PPM1H: variants seen among roughly 807,000 people sequenced by gnomAD.
PPM1H encodes protein phosphatase, Mg2+/Mn2+ dependent 1H.
A neutral mutation model predicts 54.9 loss-of-function variants in PPM1H; 27 were observed. The observed-to-expected ratio is 0.49, with a 90% CI of 0.36 to 0.68. The LOEUF (loss-of-function observed/expected upper bound fraction) is 0.68, where lower values mean the gene tolerates loss of function less well. Ranked by LOEUF, PPM1H falls within the 30% of genes least tolerant of loss-of-function variation. PPM1H has a pLI of 0.00. For synonymous variants in PPM1H, 305 were observed against 270.8 expected, an observed-to-expected ratio of 1.13 and a Z score of -1.24; for missense variants, 596 against 667.8, an observed-to-expected ratio of 0.89 and a Z score of 1.19.
At chr12:62,812,413 T>C (rs2076841349) in intron 2 of PPM1H, among the ~76,000 whole-genome samples, 3 of 152,172 alleles carry the variant, frequency 2.0e-5, no homozygotes, top group Admixed American at 2.0e-4. Context: ...TGTACTCCAC[T>C]TGAAGAAAAA....
intron 1 of PPM1H, among the ~76,000 whole-genome samples, chr12:62,840,994 T>C (rs1868725224): frequency 6.6e-6 from 1 of 151,324 alleles, no homozygotes; most frequent in Non-Finnish European, 1.5e-5. Context: ...AGTAGGCGAA[T>C]GAACCGAGAA....
At position 62,736,469 on chromosome 12, in the gene PPM1H, A is replaced by G. The variant is rs183777624; in HGVS notation, c.954+1033T>C. 1.7e-3 allele frequency among the ~76,000 whole-genome samples: 256 copies of G among 152,372 alleles called. 3 individuals are homozygous for G. Among genetic ancestry groups the G allele is most frequent in the African/African-American group, 5.7e-3 (239 of 41,590 alleles). ...AAAGCAACAGTAGGTGAAAGATTGA[A>G]GTACTGTTTTTACAGTCATTTTGGA... On this transcript the variant is annotated intron_variant, in intron 5 of 9. Transcript: ENST00000228705.
intron 1 of PPM1H, among the ~76,000 whole-genome samples, chr12:62,911,158 C>T (rs968530128): frequency 6.6e-6 from 1 of 152,106 alleles, no homozygotes; most frequent in African/African-American, 2.4e-5. Context: ...CTAATGATAT[C>T]TGTATCAGAT....
At chr12:62,918,064 T>C (rs1871678893) in intron 1 of PPM1H, among the ~76,000 whole-genome samples, 1 of 152,206 alleles carries the variant, frequency 6.6e-6, no homozygotes, top group Non-Finnish European at 1.5e-5. Context: ...CAACTTCTCT[T>C]ATGACACTTA....
chr12:62,739,403 G>T (rs2076369694), intron 4 of PPM1H, among the ~76,000 whole-genome samples: 1 of 152,168 alleles, frequency 6.6e-6, no homozygotes. Flanking sequence ...TTGAAAGGGG[G>T]CGGGGTCAGG....
At position 62,781,611 on chromosome 12, in the gene PPM1H, C is replaced by T. The variant is rs1048197589; in HGVS notation, c.869+6615G>A. On this transcript the variant is annotated intron_variant, in intron 4 of 9. Coordinates refer to ENST00000228705, the MANE Select transcript of PPM1H (RefSeq NM_020700.2). ...ACTTGCTAAACACAGACTGCTGGGT[C>T]CACCCACTGAGTTTCAGCGAGCAGT... 3.9e-5 allele frequency among the ~76,000 whole-genome samples: 6 copies of T among 152,314 alleles called. 1 individual carries two copies. The highest frequency in any genetic ancestry group is 2.0e-4 in the Admixed American group (3 of 15,308).
At chr12:62,875,548 G>A (rs540914739) in intron 1 of PPM1H, among the ~76,000 whole-genome samples, 192 of 152,284 alleles carry the variant, frequency 1.3e-3, no homozygotes, top group Middle Eastern at 6.8e-3. Flanking sequence ...GAATGGGCTC[G>A]TTAAAATACC....
intron 5 of PPM1H, among the ~76,000 whole-genome samples, chr12:62,731,080 T>G (rs2076318167): frequency 6.6e-6 from 1 of 152,234 alleles, no homozygotes; most frequent in South Asian, 2.1e-4. Flanking sequence ...AATAAAATTC[T>G]GCCTGGTTTA....
intron 6 of PPM1H, among the ~76,000 whole-genome samples, chr12:62,713,721 C>T (rs142816087): frequency 2.6e-5 from 4 of 152,218 alleles, no homozygotes; most frequent in South Asian, 2.1e-4. Context: ...GTAATCCCAG[C>T]GCTTTGGGAG....
At chr12:62,843,964 A>G (rs1868856467) in intron 1 of PPM1H, among the ~76,000 whole-genome samples, 2 of 152,206 alleles carry the variant, frequency 1.3e-5, no homozygotes, top group African/African-American at 4.8e-5. Flanking sequence ...CAAGGGAAAG[A>G]ACATGCTAAT....
chr12:62,894,996 C>G (rs188689005), intron 1 of PPM1H, among the ~76,000 whole-genome samples: 1 of 152,186 alleles, frequency 6.6e-6, no homozygotes, highest in African/African-American at 2.4e-5. Context: ...GTTAAAGTTA[C>G]CAGCATCAGT....
At chr12:62,859,511 A>C (rs1231521525) in intron 1 of PPM1H, among the ~76,000 whole-genome samples, 1 of 152,208 alleles carries the variant, frequency 6.6e-6, no homozygotes, top group African/African-American at 2.4e-5. Context: ...ATGACAGAAA[A>C]TGATCCTTTC....
In PPM1H at chr12:62,844,833, A is replaced by T. The variant is rs568455423; in HGVS notation, c.246-12554T>A. Among the ~76,000 whole-genome samples the T allele has an allele frequency of 1.3e-5, 2 of 152,230 alleles. No homozygotes were observed. The highest frequency in any genetic ancestry group is 2.4e-5 in the African/African-American group (1 of 41,458). On this transcript the variant is annotated intron_variant, in intron 1 of 9. Coordinates refer to ENST00000228705, the MANE Select transcript of PPM1H (RefSeq NM_020700.2). The surrounding 1 kb of genome is among the most constrained non-coding windows in gnomAD (Gnocchi z 5.2). ...ATGACGGTGTTCTAAGCCTGCCTAT[A>T]TATTTCTTAAAGCTTACAATATTTG...
chr12:62,846,042 G>A (rs1415169879), intron 1 of PPM1H, among the ~76,000 whole-genome samples: 2 of 152,056 alleles, frequency 1.3e-5, no homozygotes, highest in Non-Finnish European at 2.9e-5. Context: ...CCAGGCCCTT[G>A]TCACATCCAG....
chr12:62,808,621 C>T (rs957220649), intron 2 of PPM1H, among the ~76,000 whole-genome samples: 3 of 152,098 alleles, frequency 2.0e-5, no homozygotes, highest in Non-Finnish European at 2.9e-5. Context: ...CCCACCCACA[C>T]CAAACTACAG....
At chr12:62,836,877 C>T (rs1434538063) in intron 1 of PPM1H, among the ~76,000 whole-genome samples, 2 of 152,134 alleles carry the variant, frequency 1.3e-5, no homozygotes, top group Admixed American at 1.3e-4. Context: ...TACCAGCCTA[C>T]CTTCAACTGA....
intron 2 of PPM1H, among the ~76,000 whole-genome samples, chr12:62,831,213 A>T (rs2120854143): frequency 6.6e-6 from 1 of 152,302 alleles, no homozygotes; most frequent in East Asian, 1.9e-4. Context: ...AATCCTATGA[A>T]AATTTTTACA....
intron 4 of PPM1H, 115 bp from the exon 5 acceptor site, chr12:62,737,701 C>A (rs529597298): frequency 1.5e-4 from 100 of 679,202 alleles, no homozygotes; most frequent in Non-Finnish European, 2.3e-4. Context: ...TTTGTTTTCC[C>A]ACTTGCATGG....
intron 1 of PPM1H, among the ~76,000 whole-genome samples, chr12:62,913,458 C>T (rs1871520234): frequency 6.6e-6 from 1 of 152,134 alleles, no homozygotes; most frequent in Non-Finnish European, 1.5e-5. Flanking sequence ...GTTTCCCAGG[C>T]GCATCCTACT....
Sources: gnomAD v4.1 joint callset for allele counts (sites outside exome capture counted in the v4.1 genomes callset) on GRCh38, gnomAD v4.1.1 for gene constraint, Gnocchi (gnomAD v3.1) non-coding constraint, MANE v1.5 for transcripts, NCBI Gene and HGNC (gene_info 2026-07-23, HGNC 2026-07-21) for gene names.